The following PRPF6 variants were observed in gnomAD, a reference collection of about 807,000 sequenced individuals.
The protein encoded by PRPF6 is pre-mRNA processing factor 6.
A neutral mutation model predicts 118.3 loss-of-function variants in PRPF6; 42 were observed. That is an observed-to-expected ratio of 0.35 (90% CI 0.28 to 0.46). The LOEUF (loss-of-function observed/expected upper bound fraction) is 0.46. PRPF6 is among the 20% of genes least tolerant of loss of function. The probability of loss-of-function intolerance (pLI) is 1.00; values close to 1 mark genes in which losing one functional copy is unlikely to be tolerated. For synonymous variants in PRPF6, 481 were observed against 485.1 expected (o/e 0.99, Z 0.11); for missense variants, 662 against 1,255.7 (o/e 0.53, Z 7.15).
In PRPF6 at chr20:63,989,522, A is replaced by G. The variant is rs548452910; in HGVS notation, c.360-3885A>G. 1.6e-3 allele frequency among the ~76,000 whole-genome samples: 241 copies of G among 152,300 alleles called. 11 individuals are homozygous for G. The highest frequency in any genetic ancestry group is 0.012 in the South Asian group (57 of 4,824). The stretch of plus-strand genomic sequence containing the variant: ...GGTAAAAGCATAACATTTATTCATA[A>G]GTCTAGAAAGTAACAGTTAACATTT... On this transcript the variant is annotated intron_variant, in intron 3 of 20. Coordinates refer to ENST00000266079, the MANE Select transcript of PRPF6 (RefSeq NM_012469.4).
chr20:63,984,520 A>T (rs1159661298), intron 2 of PRPF6, among the ~76,000 whole-genome samples: 1 of 152,196 alleles, frequency 6.6e-6, no homozygotes, highest in South Asian at 2.1e-4. Context: ...TCTTTCACCA[A>T]GCTTCTCCCG....
In PRPF6 at chr20:63,999,653, CTCATCA is replaced by C; in HGVS notation, c.918_923del (p.His307_His308del). Reference sequence around the variant, plus strand: ...CTCAAGTCTGTTCGGGAGACGAACCCTCATCACCCGCCAGCCTGGATTGCATCAGCC... The same window carrying C: ...CTCAAGTCTGTTCGGGAGACGAACCCCCCGCCAGCCTGGATTGCATCAGCC... On this transcript the variant is annotated inframe_deletion, in exon 8 of 21. Coordinates refer to ENST00000266079, the MANE Select transcript of PRPF6 (RefSeq NM_012469.4). 2 of 1,614,182 alleles carry C rather than the reference CTCATCA, an allele frequency of 1.2e-6. No homozygotes were observed. Among genetic ancestry groups the C allele is most frequent in the Non-Finnish European group, 1.7e-6 (2 of 1,180,044 alleles).
At chr20:64,032,171 C>G (rs1248715697) in intron 20 of PRPF6, 127 bp downstream of exon 20, 1 of 1,454,398 alleles carries the variant, frequency 6.9e-7, no homozygotes, top group African/African-American at 1.4e-5. Flanking sequence ...GAGGATGGAC[C>G]GGGTGTGTGG....
Position 64,027,148 on chromosome 20 carries a change from A to C in PRPF6, c.2195A>C (p.Tyr732Ser). 1 of 1,613,540 alleles carries C rather than the reference A, an allele frequency of 6.2e-7. No homozygotes were observed. Among genetic ancestry groups the C allele is most frequent in the Non-Finnish European group, 8.5e-7 (1 of 1,180,026 alleles). ...ATGATGGAGAAGGCGCGGGAAGCCT[A>C]TAACCAGGGGGTACGTCTCTGCCTG... ...KEMMEKAREA[Y>S]NQGLKKCPHS... Residue 732 changes from tyrosine (Y) to serine (S), a missense_variant, in exon 16 of 21, where the codon TAT becomes TCT. By Grantham distance (144) the Tyr-to-Ser change is moderately radical. Transcript: ENST00000266079. This position sits in a 1 kb window ranked among gnomAD's most constrained non-coding sequence, Gnocchi z 6.5.
intron 12 of PRPF6, among the ~76,000 whole-genome samples, chr20:64,021,620 CGT>C (rs1469592247): frequency 1.7e-4 from 19 of 112,394 alleles, no homozygotes; most frequent in Middle Eastern, 9.6e-3. Flanking sequence ...TCTGTGTGTG[CGT>C]GTGTTTGTGT....
intron 6 of PRPF6, 78 bp from the exon 7 acceptor site, chr20:63,998,967 G>T: frequency 1.0e-6 from 1 of 958,516 alleles, no homozygotes. Flanking sequence ...GTTGTGGGAG[G>T]GGCACCAGGG....
chr20:63,999,619 C>G lies in PRPF6; in HGVS notation c.883C>G (p.Arg295Gly). The G allele has an allele frequency of 1.2e-6, 2 of 1,614,124 alleles. No individual in the cohort carries two copies. Among genetic ancestry groups the G allele is most frequent in the Non-Finnish European group, 1.7e-6 (2 of 1,180,042 alleles). ...CTCTCATAGTGATATCAAGAAGGCG[C>G]GACTGCTCCTCAAGTCTGTTCGGGA... The part of the protein sequence containing the change: ...GGDINDIKKA[R>G]LLLKSVRETN... Residue 295 changes from arginine (R) to glycine (G), a missense_variant, in exon 8 of 21, where the codon CGA becomes GGA. By Grantham distance (125) the Arg-to-Gly change is moderately radical (BLOSUM62 -2). Transcript: ENST00000266079.
At position 64,014,229 on chromosome 20, in the gene PRPF6, C is replaced by T. The variant is rs1044871041; in HGVS notation, c.1525-2494C>T. Among the ~76,000 whole-genome samples, 5 of 152,076 alleles carry T rather than the reference C, an allele frequency of 3.3e-5. No individual in the cohort carries two copies. The South Asian group carries it at 8.3e-4, about 25-fold the overall frequency. Reference sequence around the variant, plus strand: ...TGCTGGGATTACAAGCGTGAGCCACCGTGCCTGTCTAACCTTGTTTTTTTA... The same window carrying T: ...TGCTGGGATTACAAGCGTGAGCCACTGTGCCTGTCTAACCTTGTTTTTTTA... On this transcript the variant is annotated intron_variant, in intron 11 of 20. Transcript: ENST00000266079.
Position 63,999,047 on chromosome 20 carries a change from G to A in PRPF6, c.774G>A (p.Val258=), listed in dbSNP as rs770208443. ...TCTTAGCTTGGCCTGTCTCACAGGTGTCTGACTCCGTGAGTGGACAGACCG... is the reference window on the plus strand; with the variant it reads ...TCTTAGCTTGGCCTGTCTCACAGGTATCTGACTCCGTGAGTGGACAGACCG... ...NTLMDMRLSQ[V]SDSVSGQTVV... is the part of the protein sequence containing the mutation. Residue 258 remains valine (V), a splice_region_variant and synonymous_variant, in exon 7 of 21, where the codon GTG becomes GTA. Coordinates refer to ENST00000266079, the MANE Select transcript of PRPF6 (RefSeq NM_012469.4). 5 of 1,612,838 alleles carry A rather than the reference G, an allele frequency of 3.1e-6. No homozygotes were observed. Among genetic ancestry groups the A allele is most frequent in the Non-Finnish European group, 4.2e-6 (5 of 1,179,336 alleles).
chr20:63,993,284 A>G lies in PRPF6; in HGVS notation c.360-123A>G, dbSNP rs2059127127. The stretch of plus-strand genomic sequence containing the variant: ...TGTGTATATGTATATATATATATAT[A>G]TATTTGATTTAGCTACTAAGAGTAT... On this transcript the variant is annotated intron_variant, in intron 3 of 20. Transcript: ENST00000266079. 4 of 515,360 alleles carry G rather than the reference A, an allele frequency of 7.8e-6. No individual in the cohort carries two copies. The Admixed American group carries it at 1.0e-4, about 14-fold the overall frequency. The allele number at this position is 515,360 out of a possible 1,614,324, so 31.9% of individuals were successfully genotyped here. A position where few individuals can be genotyped will look rare whatever the true frequency, so the allele number is the denominator to read the frequency against.
rs139836209 is a variant in PRPF6 at position 64,001,677 on chromosome 20, C to T, written c.1186+438C>T. The stretch of plus-strand genomic sequence containing the variant: ...CTCCTGAGAAGGCACCAGAGCCACA[C>T]GTTGATTGAACTCTTTCCTGCTGCT... On this transcript the variant is annotated intron_variant, in intron 9 of 20. Coordinates refer to ENST00000266079, the MANE Select transcript of PRPF6 (RefSeq NM_012469.4). Among the ~76,000 whole-genome samples, 419 of 152,320 alleles carry T rather than the reference C, an allele frequency of 2.8e-3. 3 individuals carry two copies. The highest frequency in any genetic ancestry group is 9.4e-3 in the African/African-American group (390 of 41,574).
At chr20:63,996,951 T>C (rs996547941) in intron 6 of PRPF6, among the ~76,000 whole-genome samples, 3 of 152,248 alleles carry the variant, frequency 2.0e-5, no homozygotes, top group South Asian at 2.1e-4. Context: ...ACTGTCACAG[T>C]AATTTTTTTG....
intron 13 of PRPF6, 76 bp downstream of exon 13, chr20:64,022,954 C>T: frequency 6.2e-7 from 1 of 1,604,246 alleles, no homozygotes; most frequent in Middle Eastern, 1.7e-4. Flanking sequence ...GAATTTAAAC[C>T]TCTCATGTCT....
In PRPF6 at chr20:64,028,479, T is replaced by G; in HGVS notation, c.2341T>G (p.Leu781Val). The G allele has an allele frequency of 6.2e-7, 1 of 1,613,908 alleles. No homozygotes were observed. The highest frequency in any genetic ancestry group is 8.5e-7 in the Non-Finnish European group (1 of 1,180,006). The part of the protein sequence containing the change: ...LKNPKNPGLW[L>V]ESVRLEYRAG... Reference sequence around the variant, plus strand: ...ACCTCCGGGGGCCTGTCTCCTCAGGTTGGAGTCCGTGCGGCTGGAGTACCG... The same window carrying G: ...ACCTCCGGGGGCCTGTCTCCTCAGGGTGGAGTCCGTGCGGCTGGAGTACCG... Residue 781 changes from leucine (L) to valine (V), a missense_variant and splice_region_variant, in exon 18 of 21, where the codon TTG becomes GTG. By Grantham distance (32) the Leu-to-Val change is conservative. This residue lies in a region of PRPF6 where 244 missense variants were observed against 383.7 expected (regional missense o/e 0.64). Coordinates refer to ENST00000266079, the MANE Select transcript of PRPF6 (RefSeq NM_012469.4). The surrounding 1 kb of genome is among the most constrained non-coding windows in gnomAD (Gnocchi z 6.5).
At chr20:63,995,606 C>A in intron 6 of PRPF6, 124 bp downstream of exon 6, 1 of 1,115,856 alleles carries the variant, frequency 9.0e-7, no homozygotes, top group Non-Finnish European at 1.3e-6. Context: ...CCTCCTTCTT[C>A]TCCTTCTCCT....
chr20:64,027,308 C>T lies in PRPF6; in HGVS notation c.2205+150C>T, dbSNP rs1161597532. 2.7e-6 allele frequency: 3 copies of T among 1,100,236 alleles called. No homozygotes were observed. Among genetic ancestry groups the T allele is most frequent in the Admixed American group, 2.1e-5 (1 of 48,434 alleles). 68.2% of individuals were successfully genotyped at this position (1,100,236 alleles called of 1,614,324 possible). A position where few individuals can be genotyped will look rare whatever the true frequency, so the allele number is the denominator to read the frequency against. ...GAGCTGCAGACTCAGGACCCAAACC[C>T]TGGTCCCCTCGCTGAGTTCTGTGCT... On this transcript the variant is annotated intron_variant, in intron 16 of 20. Coordinates refer to ENST00000266079, the MANE Select transcript of PRPF6 (RefSeq NM_012469.4). This position sits in a 1 kb window ranked among gnomAD's most constrained non-coding sequence, Gnocchi z 6.5.
At chr20:64,032,449 C>T (rs1363279127) in intron 20 of PRPF6, among the ~76,000 whole-genome samples, 1 of 152,206 alleles carries the variant, frequency 6.6e-6, no homozygotes, top group Non-Finnish European at 1.5e-5. Flanking sequence ...CCCACCCGCC[C>T]CGCTAGAGCC....
chr20:64,010,062 A>G (rs1281447074), intron 9 of PRPF6, 138 bp from the exon 10 acceptor site: 2 of 789,204 alleles, frequency 2.5e-6, no homozygotes, highest in Non-Finnish European at 4.5e-6. Context: ...GAAGGAAGCC[A>G]CATAAAGGGC....
chr20:64,018,152 C>T (rs1326759537), intron 12 of PRPF6, among the ~76,000 whole-genome samples: 1 of 152,084 alleles, frequency 6.6e-6, no homozygotes, highest in Admixed American at 6.6e-5. Flanking sequence ...GCTGTGATTG[C>T]GCCACTGCAC....
Sources: gnomAD v4.1 joint callset for allele counts (sites outside exome capture counted in the v4.1 genomes callset) on GRCh38, gnomAD v4.1.1 for gene constraint, gnomAD v4.1.1 regional missense constraint, Gnocchi (gnomAD v3.1) non-coding constraint, MANE v1.5 for transcripts, NCBI Gene and HGNC (gene_info 2026-07-23, HGNC 2026-07-21) for gene names.